The following CBFA2T3 variants were observed in gnomAD, a reference collection of about 807,000 sequenced individuals.
CBFA2T3 encodes transcriptional corepressor CBFA2T3.
CBFA2T3 carries 31 observed loss-of-function variants against 58.6 expected under a neutral mutation model. That is an observed-to-expected ratio of 0.53 (90% CI 0.40 to 0.71). The LOEUF (loss-of-function observed/expected upper bound fraction) is 0.71. Ranked by LOEUF, CBFA2T3 falls within the 30% of genes least tolerant of loss-of-function variation. The probability of loss-of-function intolerance (pLI) is 0.00; values close to 1 mark genes in which losing one functional copy is unlikely to be tolerated. For missense variants in CBFA2T3, 1,076 were observed against 963.1 expected (o/e 1.12, Z -1.55); for synonymous variants, 531 against 421.9 (o/e 1.26, Z -3.17).
chr16:88,941,886 G>T (rs1180700077), intron 1 of CBFA2T3: 1 of 148,212 alleles, frequency 6.7e-6, no homozygotes, highest in African/African-American at 2.5e-5. Flanking sequence ...GTGGGGAGTT[G>T]GGGGGGAGGT....
intron 5 of CBFA2T3, among the ~76,000 whole-genome samples, chr16:88,887,370 C>T (rs567407928): frequency 6.6e-6 from 1 of 152,324 alleles, no homozygotes; most frequent in East Asian, 1.9e-4. Context: ...AGCCCCTCCC[C>T]AGGGGCCTCC....
chr16:88,968,428 C>A (rs548697920), intron 1 of CBFA2T3, among the ~76,000 whole-genome samples: 1 of 152,360 alleles, frequency 6.6e-6, no homozygotes, highest in East Asian at 1.9e-4. Context: ...ACAAGCCTCA[C>A]GGCTCCTGGC....
At chr16:88,896,305 C>T (rs1052701893) in intron 3 of CBFA2T3, among the ~76,000 whole-genome samples, 8 of 152,224 alleles carry the variant, frequency 5.3e-5, no homozygotes, top group African/African-American at 1.9e-4. Flanking sequence ...CTCCCCTCAA[C>T]CGGGCAACCT....
intron 3 of CBFA2T3, 42 bp from the exon 4 acceptor site, chr16:88,892,527 G>A: frequency 1.2e-6 from 2 of 1,606,502 alleles, no homozygotes; most frequent in Non-Finnish European, 1.7e-6. Flanking sequence ...AGGTGATGGT[G>A]ACAACACAAC....
At chr16:88,913,351 G>A (rs924697624) in intron 1 of CBFA2T3, among the ~76,000 whole-genome samples, 3 of 152,262 alleles carry the variant, frequency 2.0e-5, no homozygotes, top group Admixed American at 1.3e-4. Flanking sequence ...ACCCCCCTGA[G>A]CTTGCCAAAA....
chr16:88,911,636 G>A (rs759296777), intron 1 of CBFA2T3, among the ~76,000 whole-genome samples: 10 of 152,264 alleles, frequency 6.6e-5, no homozygotes, highest in Non-Finnish European at 1.2e-4. Context: ...AATTCCCGCA[G>A]AATCACGGAG....
intron 1 of CBFA2T3, among the ~76,000 whole-genome samples, chr16:88,912,648 C>T (rs940435007): frequency 6.6e-6 from 1 of 152,230 alleles, no homozygotes; most frequent in African/African-American, 2.4e-5. Context: ...CCGTCTCCCC[C>T]AGGGCAGGGC....
At chr16:88,889,440 G>C (rs1018198285) in intron 5 of CBFA2T3, among the ~76,000 whole-genome samples, 1 of 151,438 alleles carries the variant, frequency 6.6e-6, no homozygotes, top group African/African-American at 2.4e-5. Context: ...AACAGAGGTG[G>C]GTGTGATGTG....
chr16:88,906,070 G>T (rs1029304014), intron 1 of CBFA2T3, among the ~76,000 whole-genome samples: 1 of 152,054 alleles, frequency 6.6e-6, no homozygotes, highest in Non-Finnish European at 1.5e-5. Context: ...CAGCAGGGGG[G>T]TCCAGCACTC....
chr16:88,893,942 G>A lies in CBFA2T3; in HGVS notation c.380-1457C>T, dbSNP rs148997625. Among the ~76,000 whole-genome samples the A allele has an allele frequency of 1.9e-3, 287 of 152,252 alleles. 1 individual carries two copies. The highest frequency in any genetic ancestry group is 6.5e-3 in the African/African-American group (272 of 41,528). On this transcript the variant is annotated intron_variant, in intron 3 of 11. Coordinates refer to ENST00000268679, the MANE Select transcript of CBFA2T3 (RefSeq NM_005187.6). Reference sequence around the variant, plus strand: ...AGGTCACAGGGCTCCCAAGTCCCTTGCTGACAGGGGAGGGGGACTGGATGC... The same window carrying A: ...AGGTCACAGGGCTCCCAAGTCCCTTACTGACAGGGGAGGGGGACTGGATGC...
chr16:88,935,737 G>T (rs1220525966), intron 1 of CBFA2T3, among the ~76,000 whole-genome samples: 2 of 152,228 alleles, frequency 1.3e-5, no homozygotes, highest in Non-Finnish European at 2.9e-5. Context: ...GCTGCATCAT[G>T]CCGCATCCAC....
chr16:88,954,488 G>C (rs1972164720), intron 1 of CBFA2T3, among the ~76,000 whole-genome samples: 1 of 139,038 alleles, frequency 7.2e-6, no homozygotes, highest in Non-Finnish European at 1.5e-5. Context: ...CAAGGCTCCT[G>C]ACCCCGCCCA....
intron 8 of CBFA2T3, among the ~76,000 whole-genome samples, chr16:88,881,963 G>A (rs1228275410): frequency 2.0e-5 from 3 of 152,264 alleles, no homozygotes; most frequent in African/African-American, 7.2e-5. Context: ...CTGCCTCAAA[G>A]AGGCCTCGGC....
intron 1 of CBFA2T3, among the ~76,000 whole-genome samples, chr16:88,932,686 G>C (rs112153741): frequency 0.032 from 4,786 of 149,782 alleles, 250 homozygotes; most frequent in African/African-American, 0.11. Flanking sequence ...GGTGGTTCAC[G>C]CCTGTCATCC....
chr16:88,879,341 G>A lies in CBFA2T3; in HGVS notation c.1591C>T (p.Leu531=). 6.2e-7 allele frequency: 1 copy of A among 1,612,300 alleles called. No homozygotes were observed. Among genetic ancestry groups the A allele is most frequent in the Middle Eastern group, 1.7e-4 (1 of 6,060 alleles). The change falls in exon 11 of 12, where the codon CTG becomes TTG. Residue 531 remains leucine, a synonymous_variant. Transcript: ENST00000268679. ...TTERAKMERA[L]AEAKRQASED... is the part of the protein sequence containing the mutation. ...GAGGCCTGCCGCTTCGCCTCGGCCAGGGCCCGCTCCATCTTGGCACGCTCC... is the reference window on the plus strand; with the variant it reads ...GAGGCCTGCCGCTTCGCCTCGGCCAAGGCCCGCTCCATCTTGGCACGCTCC...
intron 1 of CBFA2T3, among the ~76,000 whole-genome samples, chr16:88,946,678 T>A (rs1020419993): frequency 1.3e-5 from 2 of 152,254 alleles, no homozygotes; most frequent in South Asian, 4.1e-4. Context: ...AGACAGGGTT[T>A]CACCATGTTG....
Position 88,901,506 on chromosome 16 carries a change from G to A in CBFA2T3, c.302C>T (p.Thr101Ile), listed in dbSNP as rs1416320251. The change falls in exon 2 of 12, where the codon ACA becomes ATA. Residue 101 changes from threonine (T) to isoleucine (I), a missense_variant and splice_region_variant. By Grantham distance (89) the Thr-to-Ile change is moderately conservative. Transcript: ENST00000268679. The part of the protein sequence containing the change: ...ATRPPSFTPH[T>I]HREDGPATLP... ...GCTGCCAGGTGGGGGCTACTTACGT[G>A]TGTGTGGCGTGAAGGAGGGGGGGCG... is the stretch of plus-strand genomic sequence containing the variant. 6.8e-7 allele frequency: 1 copy of A among 1,469,646 alleles called. No individual in the cohort carries two copies. Among genetic ancestry groups the A allele is most frequent in the African/African-American group, 1.5e-5 (1 of 67,164 alleles). 91.0% of individuals were successfully genotyped at this position (1,469,646 alleles called of 1,614,324 possible).
chr16:88,894,128 C>A (rs185040986), intron 3 of CBFA2T3, among the ~76,000 whole-genome samples: 1 of 152,098 alleles, frequency 6.6e-6, no homozygotes, highest in Non-Finnish European at 1.5e-5. Context: ...CCTGCCTCCA[C>A]TCACCCCCCA....
chr16:88,925,794 C>T (rs1341277350), intron 1 of CBFA2T3, among the ~76,000 whole-genome samples: 2 of 152,232 alleles, frequency 1.3e-5, no homozygotes, highest in Non-Finnish European at 2.9e-5. Flanking sequence ...TGCTCCTGCT[C>T]CCCGGCGACG....
Sources: gnomAD v4.1 joint callset for allele counts (sites outside exome capture counted in the v4.1 genomes callset) on GRCh38, gnomAD v4.1.1 for gene constraint, MANE v1.5 for transcripts, NCBI Gene and HGNC (gene_info 2026-07-23, HGNC 2026-07-21) for gene names.